The following NPIPB5 variants were observed in gnomAD, a reference collection of about 807,000 sequenced individuals.
The protein encoded by NPIPB5 is nuclear pore complex interacting protein family member B5.
For synonymous variants in NPIPB5, 1 was observed against 168.2 expected (o/e 0.01, Z 7.69); for missense variants, 10 against 414.7 (o/e 0.02, Z 8.48).
chr16:22,514,897 C>CACACATACAT (rs2049787695), intron 1 of NPIPB5, among the ~76,000 whole-genome samples: 2 of 42,132 alleles, frequency 4.7e-5, no homozygotes, highest in African/African-American at 5.1e-4. Context: ...CACACACACA[C>CACACATACAT]ACATATTTTT....
chr16:22,528,692 A>ATGTTTTTTTTT (rs2049839404), intron 4 of NPIPB5, among the ~76,000 whole-genome samples: 1 of 49,192 alleles, frequency 2.0e-5, no homozygotes, highest in Non-Finnish European at 3.2e-5. Flanking sequence ...CATTTGACCA[A>ATGTTTTTTTTT]TTTTTTTTTT....
At chr16:22,514,904 T>TCACACA (rs2049788805) in intron 1 of NPIPB5, among the ~76,000 whole-genome samples, 2 of 22,098 alleles carry the variant, frequency 9.1e-5, no homozygotes, top group Admixed American at 5.2e-4. Context: ...ACACACATAT[T>TCACACA]TTTTGAGACA....
chr16:22,528,742 C>G (rs1328820729), intron 4 of NPIPB5, among the ~76,000 whole-genome samples: 1 of 125,980 alleles, frequency 7.9e-6, no homozygotes, highest in Non-Finnish European at 1.6e-5. Context: ...CTCACTCTGT[C>G]ACCCAGGCTA....
At chr16:22,514,899 C>G (rs1368381305) in intron 1 of NPIPB5, among the ~76,000 whole-genome samples, 1 of 36,688 alleles carries the variant, frequency 2.7e-5, no homozygotes, top group Non-Finnish European at 4.3e-5. Context: ...CACACACACA[C>G]ATATTTTTTG....
At chr16:22,517,802 G>T (rs1401016523) in intron 1 of NPIPB5, among the ~76,000 whole-genome samples, 1 of 89,646 alleles carries the variant, frequency 1.1e-5, no homozygotes, top group African/African-American at 4.1e-5. Flanking sequence ...GCCTCCCAAA[G>T]TGCTGGGATT....
intron 1 of NPIPB5, among the ~76,000 whole-genome samples, chr16:22,517,998 C>T (rs2049803428): frequency 8.3e-6 from 1 of 120,140 alleles, no homozygotes; most frequent in Admixed American, 8.8e-5. Context: ...TCACTGCAGA[C>T]TCTGCCTCCC....
downstream of NPIPB5, chr16:22,536,495 A>AAAT (rs2049913320): frequency 6.8e-6 from 1 of 146,218 alleles, no homozygotes; most frequent in Non-Finnish European, 1.4e-5. Context: ...AACAAAGAAT[A>AAAT]AATAAATAAT....
intron 4 of NPIPB5, among the ~76,000 whole-genome samples, chr16:22,529,453 A>AGTGGACT (rs2049861437): frequency 6.8e-6 from 1 of 148,040 alleles, no homozygotes; most frequent in Non-Finnish European, 1.5e-5. Context: ...AACCAGAGCC[A>AGTGGACT]GTGGACTTCA....
exon 7 of NPIPB5, chr16:22,534,526 T>G (rs1260758253): frequency 1.2e-6 from 2 of 1,606,978 alleles, no homozygotes; most frequent in Non-Finnish European, 1.7e-6. Context: ...CAAGACACCT[T>G]CCGAGCGTCA....
chr16:22,518,227 G>A (rs1292176151), intron 1 of NPIPB5, among the ~76,000 whole-genome samples: 2 of 33,870 alleles, frequency 5.9e-5, no homozygotes, highest in African/African-American at 2.1e-4. Flanking sequence ...TTTTGTTTTT[G>A]TTTTGCTTGC....
At chr16:22,517,975 G>A (rs1449630807) in intron 1 of NPIPB5, among the ~76,000 whole-genome samples, 2 of 130,446 alleles carry the variant, frequency 1.5e-5, no homozygotes, top group African/African-American at 5.6e-5. Flanking sequence ...GAGTGCAGTG[G>A]TGCAATCTCG....
intron 4 of NPIPB5, among the ~76,000 whole-genome samples, chr16:22,528,692 A>ATTTGTTTTTT (rs2049839457): frequency 1.8e-4 from 9 of 49,200 alleles, no homozygotes; most frequent in African/African-American, 7.8e-4. Flanking sequence ...CATTTGACCA[A>ATTTGTTTTTT]TTTTTTTTTT....
chr16:22,518,017 A>G (rs1353916949), intron 1 of NPIPB5, among the ~76,000 whole-genome samples: 1 of 101,340 alleles, frequency 9.9e-6, no homozygotes, highest in Non-Finnish European at 2.1e-5. Context: ...CCGGGTTCAA[A>G]CTATTCTCCT....
intron 1 of NPIPB5, among the ~76,000 whole-genome samples, chr16:22,518,009 G>A (rs1262287789): frequency 8.0e-5 from 9 of 111,884 alleles, no homozygotes; most frequent in African/African-American, 9.6e-5. Context: ...TCTGCCTCCC[G>A]GGTTCAAACT....
intron 1 of NPIPB5, among the ~76,000 whole-genome samples, chr16:22,518,008 CG>C (rs2049803730): frequency 8.8e-6 from 1 of 113,040 alleles, no homozygotes; most frequent in South Asian, 3.3e-4. Flanking sequence ...CTCTGCCTCC[CG>C]GGTTCAAACT....
intron 4 of NPIPB5, among the ~76,000 whole-genome samples, chr16:22,528,740 G>T (rs1357676168): frequency 2.7e-5 from 3 of 112,416 alleles, no homozygotes; most frequent in African/African-American, 1.0e-4. Context: ...GTCTCACTCT[G>T]TCACCCAGGC....
exon 7 of NPIPB5, chr16:22,534,552 A>G (rs879235899): frequency 6.2e-7 from 1 of 1,611,474 alleles, no homozygotes; most frequent in Admixed American, 1.7e-5. Context: ...CTGCCCTTCC[A>G]CCCTCAGCAG....
At chr16:22,528,481 G>A (rs1209938768) in intron 4 of NPIPB5, among the ~76,000 whole-genome samples, 1 of 96,076 alleles carries the variant, frequency 1.0e-5, no homozygotes, top group South Asian at 3.8e-4. Flanking sequence ...GCCTCCCAAA[G>A]TGCTGGGATT....
chr16:22,517,954 C>T lies in NPIPB5; in HGVS notation c.120+4033C>T, dbSNP rs1241179048. The stretch of plus-strand genomic sequence containing the variant: ...TTTTTGAGACAGAGTCTCGCTCTGT[C>T]GCCTAGGCTGGAGTGCAGTGGTGCA... On this transcript the variant is annotated intron_variant, in intron 1 of 6. Coordinates refer to ENST00000424340, the Ensembl canonical transcript of NPIPB5. Among the ~76,000 whole-genome samples, 5 of 136,192 alleles carry T rather than the reference C, an allele frequency of 3.7e-5. 1 individual carries two copies. Among genetic ancestry groups the T allele is most frequent in the East Asian group, 2.5e-4 (1 of 3,964 alleles). The allele number at this position is 136,192 out of a possible 152,430, so 89.3% of individuals were successfully genotyped here. A position where few individuals can be genotyped will look rare whatever the true frequency, so the allele number is the denominator to read the frequency against.
Sources: allele counts gnomAD v4.1 joint callset (sites outside exome capture counted in the v4.1 genomes callset), GRCh38; gene constraint gnomAD v4.1.1; transcripts MANE v1.5; gene names NCBI Gene and HGNC (gene_info 2026-07-23, HGNC 2026-07-21).